PLGRKT: variants seen among roughly 807,000 people sequenced by gnomAD.
PLGRKT encodes the protein plasminogen receptor (KT).
Under a neutral mutation model 18.5 loss-of-function variants are expected in PLGRKT, and 22 were observed. The observed-to-expected ratio is 1.19, with a 90% confidence interval of 0.85 to 1.70. The LOEUF (loss-of-function observed/expected upper bound fraction) is 1.70. PLGRKT is among the 40% of genes most tolerant of loss of function. The pLI is 0.00. For missense variants in PLGRKT, 235 were observed against 174.4 expected (o/e 1.35, Z -1.96); for synonymous variants, 72 against 52.8 (o/e 1.36, Z -1.58).
In PLGRKT at chr9:5,361,836, A is replaced by T; in HGVS notation, c.134T>A (p.Met45Lys). 1.2e-6 allele frequency: 2 copies of T among 1,610,082 alleles called. No homozygotes were observed. The highest frequency in any genetic ancestry group is 1.7e-6 in the Non-Finnish European group (2 of 1,176,578). Reference protein sequence around the residue: ...QSEMRERQMAMQIAWSREFLK... With the variant: ...QSEMRERQMAKQIAWSREFLK... ...GAATTCCCGAGACCACGCAATCTGC[A>T]TGGCCATTTGTCTTTCCCTCATTTC... is the stretch of plus-strand genomic sequence containing the variant. Residue 45 changes from methionine to lysine, a missense_variant, in exon 4 of 6, where the codon ATG becomes AAG. Met to Lys is a moderately conservative substitution (Grantham distance 95). Coordinates refer to ENST00000223864, the MANE Select transcript of PLGRKT (RefSeq NM_018465.4).
chr9:5,420,989 A>C (rs977493860), intron 3 of PLGRKT, among the ~76,000 whole-genome samples: 77 of 152,244 alleles, frequency 5.1e-4, no homozygotes, highest in African/African-American at 1.8e-3. Context: ...GAAAGCATTT[A>C]TTGAGCACAC....
chr9:5,381,366 G>C (rs1279233923), intron 3 of PLGRKT, among the ~76,000 whole-genome samples: 1 of 152,232 alleles, frequency 6.6e-6, no homozygotes, highest in Admixed American at 6.5e-5. Flanking sequence ...AGCTGCTCCA[G>C]CTCCAGCTGT....
At chr9:5,432,967 G>C (rs546839418) in intron 2 of PLGRKT, among the ~76,000 whole-genome samples, 1 of 151,840 alleles carries the variant, frequency 6.6e-6, no homozygotes, top group African/African-American at 2.4e-5. Flanking sequence ...TGTCTGGGAG[G>C]TGAGGAGCAT....
intron 3 of PLGRKT, among the ~76,000 whole-genome samples, chr9:5,394,130 T>A (rs1818000300): frequency 6.6e-6 from 1 of 151,840 alleles, no homozygotes; most frequent in Non-Finnish European, 1.5e-5. Context: ...ACAAGTAACC[T>A]TTCGGAAGTG....
At chr9:5,375,815 G>T (rs1029453578) in intron 3 of PLGRKT, among the ~76,000 whole-genome samples, 10 of 152,112 alleles carry the variant, frequency 6.6e-5, no homozygotes, top group African/African-American at 2.4e-4. Context: ...ATTAAACATA[G>T]AACTAACATA....
chr9:5,384,686 T>G (rs914106138), intron 3 of PLGRKT, among the ~76,000 whole-genome samples: 3 of 151,968 alleles, frequency 2.0e-5, no homozygotes, highest in Non-Finnish European at 4.4e-5. Flanking sequence ...GAAAAAGATC[T>G]AAGGTCATGA....
At chr9:5,422,791 G>T (rs1456930083) in intron 3 of PLGRKT, among the ~76,000 whole-genome samples, 1 of 152,114 alleles carries the variant, frequency 6.6e-6, no homozygotes, top group Non-Finnish European at 1.5e-5. Context: ...AAAGGCAAAG[G>T]AAGATGGAAT....
chr9:5,389,700 G>C (rs1235137998), intron 3 of PLGRKT, among the ~76,000 whole-genome samples: 2 of 151,846 alleles, frequency 1.3e-5, no homozygotes, highest in African/African-American at 4.9e-5. Context: ...AATTTTCTAG[G>C]TGACCCAAAA....
At chr9:5,389,292 G>A (rs547251538) in intron 3 of PLGRKT, among the ~76,000 whole-genome samples, 10 of 151,910 alleles carry the variant, frequency 6.6e-5, no homozygotes, top group East Asian at 3.8e-4. Context: ...TTTTGACAAC[G>A]TTCATGTGGT....
chr9:5,409,429 G>A (rs1020341206), intron 3 of PLGRKT, among the ~76,000 whole-genome samples: 1 of 152,162 alleles, frequency 6.6e-6, no homozygotes, highest in African/African-American at 2.4e-5. Flanking sequence ...ATCGGACTCC[G>A]AGTTCTTCAA....
intron 3 of PLGRKT, among the ~76,000 whole-genome samples, chr9:5,394,476 A>T (rs1818008091): frequency 6.6e-6 from 1 of 151,880 alleles, no homozygotes; most frequent in Non-Finnish European, 1.5e-5. Context: ...GCAATGGCGC[A>T]ATCTCAGCTC....
At chr9:5,430,259 C>A (rs1818795011) in intron 3 of PLGRKT, among the ~76,000 whole-genome samples, 1 of 152,216 alleles carries the variant, frequency 6.6e-6, no homozygotes, top group Non-Finnish European at 1.5e-5. Context: ...CCTTCACAGA[C>A]CCTGACTTCA....
intron 3 of PLGRKT, among the ~76,000 whole-genome samples, chr9:5,380,167 A>G (rs1292765962): frequency 1.3e-5 from 2 of 152,130 alleles, no homozygotes; most frequent in Non-Finnish European, 2.9e-5. Context: ...GATTGAGATC[A>G]TCCTGGCTAA....
intron 3 of PLGRKT, among the ~76,000 whole-genome samples, chr9:5,424,495 AT>A (rs1310459368): frequency 1.6e-5 from 2 of 125,030 alleles, no homozygotes; most frequent in African/African-American, 6.5e-5. Context: ...AATATATATT[AT>A]TAACATATAA....
chr9:5,395,813 A>C (rs1290056880), intron 3 of PLGRKT, among the ~76,000 whole-genome samples: 1 of 66,736 alleles, frequency 1.5e-5, no homozygotes, highest in African/African-American at 1.1e-4. Flanking sequence ...AACATTGACA[A>C]AAAAAAAGGT....
In PLGRKT at chr9:5,418,932, A is replaced by C; in HGVS notation, c.81+12965T>G. On this transcript the variant is annotated intron_variant, in intron 3 of 5. Coordinates refer to ENST00000223864, the MANE Select transcript of PLGRKT (RefSeq NM_018465.4). This position sits in a 1 kb window ranked among gnomAD's most constrained non-coding sequence, Gnocchi z 4.2. ...CCTTCACTAGGGGCTGCAGTAATTA[A>C]AACAGATCTGACATTCTAGCAGAGT... The C allele has an allele frequency of 1.3e-6, 1 of 793,856 alleles. No homozygotes were observed. Among genetic ancestry groups the C allele is most frequent in the Admixed American group, 2.0e-5 (1 of 49,778 alleles). 49.2% of individuals were successfully genotyped at this position (793,856 alleles called of 1,614,324 possible). A position where few individuals can be genotyped will look rare whatever the true frequency, so the allele number is the denominator to read the frequency against.
At chr9:5,422,426 T>A (rs1008631275) in intron 3 of PLGRKT, among the ~76,000 whole-genome samples, 9 of 152,216 alleles carry the variant, frequency 5.9e-5, no homozygotes, top group Non-Finnish European at 1.2e-4. Flanking sequence ...AGAAATACCA[T>A]GAGGAGGCAA....
intron 3 of PLGRKT, among the ~76,000 whole-genome samples, chr9:5,417,569 GAA>G (rs1256254557): frequency 9.0e-6 from 1 of 111,234 alleles, no homozygotes; most frequent in African/African-American, 3.3e-5. Flanking sequence ...ACTGTCAAGA[GAA>G]AAAAAAAAAC....
chr9:5,395,302 G>A (rs914971554), intron 3 of PLGRKT, among the ~76,000 whole-genome samples: 3 of 151,848 alleles, frequency 2.0e-5, no homozygotes, highest in African/African-American at 7.3e-5. Flanking sequence ...GTAGATATAT[G>A]AAACTATAAA....
Sources: gnomAD v4.1 joint callset for allele counts (sites outside exome capture counted in the v4.1 genomes callset) on GRCh38, gnomAD v4.1.1 for gene constraint, Gnocchi (gnomAD v3.1) non-coding constraint, MANE v1.5 for transcripts, NCBI Gene and HGNC (gene_info 2026-07-23, HGNC 2026-07-21) for gene names.